The following TLE2 variants were observed in gnomAD, a reference collection of about 807,000 sequenced individuals.
TLE2 encodes transducin-like enhancer protein 2.
In TLE2, 74 loss-of-function variants were observed where a neutral mutation model predicts 97.2. That is an observed-to-expected ratio of 0.76 (90% CI 0.63 to 0.92). The LOEUF (loss-of-function observed/expected upper bound fraction) is 0.92, where lower values mean the gene tolerates loss of function less well. Among genes scored for constraint, TLE2 ranks in the 40% least tolerant of loss-of-function variants. The pLI is 0.00. For missense variants in TLE2, 1,038 were observed against 1,008.7 expected (o/e 1.03, Z -0.39); for synonymous variants, 499 against 432.1 (o/e 1.15, Z -1.92).
intron 4 of TLE2, chr19:3,025,432 C>T (rs1025533674): frequency 2.8e-6 from 3 of 1,084,482 alleles, no homozygotes; most frequent in African/African-American, 1.7e-5. Flanking sequence ...AGGTGCTGGG[C>T]TCAGCTGAAA....
chr19:3,008,171 C>T (rs999549831), intron 14 of TLE2, among the ~76,000 whole-genome samples: 2 of 152,240 alleles, frequency 1.3e-5, no homozygotes, highest in Non-Finnish European at 2.9e-5. Flanking sequence ...CAGCTGGTGG[C>T]GACTGGGTTG....
At position 3,005,549 on chromosome 19, in the gene TLE2, A is replaced by T; in HGVS notation, c.1784T>A (p.Ile595Asn). 1.2e-6 allele frequency: 2 copies of T among 1,613,518 alleles called. No individual in the cohort carries two copies. The highest frequency in any genetic ancestry group is 2.2e-5 in the South Asian group (2 of 91,020). The part of the protein sequence containing the change: ...FQGHTDGASC[I>N]DISDYGTRLW... ...CCGAGTGCCGTAATCGGAAATATCA[A>T]TGCAGCTGGCGCCGTCCGTGTGGCC... Residue 595 changes from isoleucine to asparagine, a missense_variant, in exon 17 of 20, where the codon ATT (isoleucine) becomes AAT (asparagine). Coordinates refer to ENST00000262953, the MANE Select transcript of TLE2 (RefSeq NM_003260.5).
chr19:3,008,797 G>A, intron 14 of TLE2, 72 bp downstream of exon 14: 6 of 1,264,820 alleles, frequency 4.7e-6, no homozygotes, highest in Non-Finnish European at 5.3e-6. Context: ...CCCAACCACA[G>A]AGGGTAAGAC....
rs926297564 is a variant in TLE2 at position 2,997,687 on chromosome 19, G to C, written c.*161C>G. ...TTTCCACCGAGGTCCCCTGCCCATC[G>C]GCCCCCACATGCAGCAGGGGAAGGT... On this transcript the variant is annotated 3_prime_UTR_variant, in exon 20 of 20. Coordinates refer to ENST00000262953, the MANE Select transcript of TLE2 (RefSeq NM_003260.5). 5.1e-6 allele frequency: 3 copies of C among 593,728 alleles called. No homozygotes were observed. The highest frequency in any genetic ancestry group is 4.1e-5 in the South Asian group (2 of 48,502). 36.8% of individuals were successfully genotyped at this position (593,728 alleles called of 1,614,324 possible). A position where few individuals can be genotyped will look rare whatever the true frequency, so the allele number is the denominator to read the frequency against.
At chr19:3,025,131 AC>A (rs2145200882) in intron 4 of TLE2, 49 bp from the exon 5 acceptor site, 9 of 1,541,824 alleles carry the variant, frequency 5.8e-6, no homozygotes, top group Non-Finnish European at 7.9e-6. Context: ...GAGATTTGCA[AC>A]CCAGCTCTGG....
At chr19:3,007,718 C>A (rs2089506899) in intron 14 of TLE2, among the ~76,000 whole-genome samples, 1 of 152,174 alleles carries the variant, frequency 6.6e-6, no homozygotes, top group Non-Finnish European at 1.5e-5. Flanking sequence ...GTGTTCCAGA[C>A]CAGCTAGAGG....
chr19:3,014,657 T>A, intron 9 of TLE2, 43 bp from the exon 10 acceptor site: 1 of 1,538,150 alleles, frequency 6.5e-7, no homozygotes, highest in Non-Finnish European at 8.8e-7. Context: ...GTCATGCCCC[T>A]GCCTCCACAC....
chr19:2,998,143 T>C (rs1456492627), intron 19 of TLE2, among the ~76,000 whole-genome samples, 188 bp from the exon 20 acceptor site: 2 of 151,862 alleles, frequency 1.3e-5, no homozygotes, highest in African/African-American at 4.8e-5. Flanking sequence ...CGATCTTGGC[T>C]CACTGCAACC....
chr19:3,039,754 G>A (rs777800893), intron 1 of TLE2, among the ~76,000 whole-genome samples: 4 of 152,186 alleles, frequency 2.6e-5, no homozygotes, highest in African/African-American at 4.8e-5. Flanking sequence ...TGACGGACGC[G>A]ATGCCAGGTC....
At chr19:3,031,199 A>C (rs973787337), upstream of TLE2, among the ~76,000 whole-genome samples, 1 of 152,052 alleles carries the variant, frequency 6.6e-6, no homozygotes, top group African/African-American at 2.4e-5. Context: ...AGTGATAGAG[A>C]TGAACAAAAG....
In TLE2 at chr19:3,019,670, A is replaced by G. The variant is rs774346655; in HGVS notation, c.369+29T>C. On this transcript the variant is annotated intron_variant, in intron 6 of 19. Coordinates refer to ENST00000262953, the MANE Select transcript of TLE2 (RefSeq NM_003260.5). The surrounding 1 kb of genome is among the most constrained non-coding windows in gnomAD (Gnocchi z 5.1). ...GGGACCTGGGAGTGGGCGTCTCCCCATGGCGGGGCAGGGGCTAGAGAGACT... is the reference window on the plus strand; with the variant it reads ...GGGACCTGGGAGTGGGCGTCTCCCCGTGGCGGGGCAGGGGCTAGAGAGACT... 8.1e-6 allele frequency: 13 copies of G among 1,599,676 alleles called. No homozygotes were observed. In the African/African-American group the frequency reaches 1.1e-4, roughly 13 times the overall value.
At chr19:3,021,308 G>C (rs1002698970) in intron 5 of TLE2, among the ~76,000 whole-genome samples, 2 of 150,626 alleles carry the variant, frequency 1.3e-5, no homozygotes, top group Non-Finnish European at 3.0e-5. Flanking sequence ...GGGAGGCTGG[G>C]GCAGGAGAAA....
intron 8 of TLE2, among the ~76,000 whole-genome samples, chr19:3,016,071 G>C (rs1471769220): frequency 6.6e-6 from 1 of 151,770 alleles, no homozygotes; most frequent in Non-Finnish European, 1.5e-5. Flanking sequence ...CCAGTAGCTG[G>C]GATTACAGGC....
chr19:3,030,942 C>A (rs1051982275), upstream of TLE2, among the ~76,000 whole-genome samples: 1 of 127,366 alleles, frequency 7.9e-6, no homozygotes, highest in Non-Finnish European at 1.7e-5. Context: ...CAGAGCAGGA[C>A]CTTGTCTCAA....
rs373854123 is a variant in TLE2 at position 3,020,089 on chromosome 19, C to G, written c.295-316G>C. Reference sequence around the variant, plus strand: ...CCTGAGGCCAGGAGTTCGAGACCAGCCTGGCCAACATGGTGAAACACCTGT... The same window carrying G: ...CCTGAGGCCAGGAGTTCGAGACCAGGCTGGCCAACATGGTGAAACACCTGT... On this transcript the variant is annotated intron_variant, in intron 5 of 19. Transcript: ENST00000262953. The G allele has an allele frequency of 1.2e-5, 4 of 343,874 alleles. No homozygotes were observed. The East Asian group carries it at 2.5e-4, about 22-fold the overall frequency. 21.3% of individuals were successfully genotyped at this position (343,874 alleles called of 1,614,324 possible).
chr19:3,015,517 C>A, intron 9 of TLE2, 136 bp downstream of exon 9: 1 of 669,986 alleles, frequency 1.5e-6, no homozygotes, highest in Non-Finnish European at 2.6e-6. Context: ...TTGGTCAGTA[C>A]TCTGAGTAGT....
intron 1 of TLE2, among the ~76,000 whole-genome samples, chr19:3,036,069 C>T (rs2090060453): frequency 6.6e-6 from 1 of 152,168 alleles, no homozygotes; most frequent in Non-Finnish European, 1.5e-5. Flanking sequence ...GTAGTTAAGT[C>T]ACGCTGGACG....
chr19:3,019,701 C>G lies in TLE2; in HGVS notation c.367G>C (p.Gly123Arg). The change falls in exon 6 of 20, where the codon GGG becomes CGG. Residue 123 changes from glycine (G) to arginine (R), a missense_variant and splice_region_variant. Coordinates refer to ENST00000262953, the MANE Select transcript of TLE2 (RefSeq NM_003260.5). The surrounding 1 kb of genome is among the most constrained non-coding windows in gnomAD (Gnocchi z 5.1). ...VTVGELNSLI[G>R]QQLQPLSHHA... is the part of the protein sequence containing the mutation. ...GGGCAGGGGCTAGAGAGACTCACCC[C>G]GATGAGGCTGTTCAGCTCCCCCACG... The G allele has an allele frequency of 6.2e-7, 1 of 1,609,342 alleles. No homozygotes were observed. Among genetic ancestry groups the G allele is most frequent in the Non-Finnish European group, 8.5e-7 (1 of 1,178,094 alleles).
Position 3,025,098 on chromosome 19 carries a change from G to A in TLE2, c.232-16C>T, listed in dbSNP as rs374085624. On this transcript the variant is annotated splice_polypyrimidine_tract_variant and intron_variant, in intron 4 of 19. Coordinates refer to ENST00000262953, the MANE Select transcript of TLE2 (RefSeq NM_003260.5). ...CAATCTCCGCCTGGCAGGAAGCAATGAGAGGAAGCTTGGAGCGGGGTAGAG... is the reference window on the plus strand; with the variant it reads ...CAATCTCCGCCTGGCAGGAAGCAATAAGAGGAAGCTTGGAGCGGGGTAGAG... 31 of 1,599,624 alleles carry A rather than the reference G, an allele frequency of 1.9e-5. No homozygotes were observed. Among genetic ancestry groups the A allele is most frequent in the Non-Finnish European group, 2.3e-5 (27 of 1,173,424 alleles).
Sources: allele counts gnomAD v4.1 joint callset (sites outside exome capture counted in the v4.1 genomes callset), GRCh38; gene constraint gnomAD v4.1.1; non-coding constraint Gnocchi (gnomAD v3.1); transcripts MANE v1.5; gene names NCBI Gene and HGNC (gene_info 2026-07-23, HGNC 2026-07-21).